Variants in FAM13A observed in about 807,000 individuals in gnomAD.
The protein encoded by FAM13A is family with sequence similarity 13 member A.
FAM13A carries 76 observed loss-of-function variants against 129.6 expected under a neutral mutation model. The ratio of observed to expected loss-of-function variants is 0.59; its 90% CI spans 0.49 to 0.71. The LOEUF (loss-of-function observed/expected upper bound fraction) is 0.71. Ranked by LOEUF, FAM13A falls within the 30% of genes least tolerant of loss-of-function variation. The pLI, the probability that FAM13A is intolerant of heterozygous loss-of-function variation, is 0.00. For synonymous variants in FAM13A, 443 were observed against 449.9 expected (o/e 0.98, Z 0.20); for missense variants, 1,108 against 1,249.3 (o/e 0.89, Z 1.70).
intron 4 of FAM13A, among the ~76,000 whole-genome samples, chr4:88,943,063 A>G (rs1440442356): frequency 6.6e-6 from 1 of 152,204 alleles, no homozygotes; most frequent in Non-Finnish European, 1.5e-5. Flanking sequence ...GGTTTTCTAC[A>G]ATGATATAAC....
At chr4:88,855,098 G>T (rs1253419463) in intron 6 of FAM13A, among the ~76,000 whole-genome samples, 1 of 152,104 alleles carries the variant, frequency 6.6e-6, no homozygotes. Context: ...ACCCAGACAG[G>T]CCTCAGTACC....
At chr4:88,876,363 A>C (rs983842263) in intron 6 of FAM13A, among the ~76,000 whole-genome samples, 1 of 152,168 alleles carries the variant, frequency 6.6e-6, no homozygotes, top group East Asian at 1.9e-4. Context: ...AGCAATGACC[A>C]AAATTTTAAC....
chr4:88,945,924 T>A (rs1755667263), intron 4 of FAM13A, among the ~76,000 whole-genome samples: 1 of 136,508 alleles, frequency 7.3e-6, no homozygotes, highest in Non-Finnish European at 1.6e-5. Context: ...ATATATATAG[T>A]ATATATTATA....
intron 5 of FAM13A, among the ~76,000 whole-genome samples, chr4:88,926,817 T>C (rs193052583): frequency 1.5e-4 from 23 of 152,330 alleles, no homozygotes; most frequent in Non-Finnish European, 2.9e-4. Flanking sequence ...TAGTTTCTAC[T>C]ACCAAAAGTT....
chr4:88,833,868 AGAGT>A (rs942892347), intron 7 of FAM13A, among the ~76,000 whole-genome samples: 2 of 152,066 alleles, frequency 1.3e-5, no homozygotes, highest in African/African-American at 2.4e-5. Flanking sequence ...CCTGGGTGAT[AGAGT>A]GAGACTCCGT....
chr4:88,764,225 T>C (rs1460850550), intron 13 of FAM13A, among the ~76,000 whole-genome samples: 1 of 152,120 alleles, frequency 6.6e-6, no homozygotes, highest in Non-Finnish European at 1.5e-5. Flanking sequence ...ATGTCTTGTT[T>C]GTTATCAAAG....
chr4:88,928,208 C>A lies in FAM13A; in HGVS notation c.759+9880G>T, dbSNP rs577220744. Among the ~76,000 whole-genome samples the A allele has an allele frequency of 4.3e-4, 66 of 152,144 alleles. No individual in the cohort carries two copies. The South Asian group carries it at 6.0e-3, about 14-fold the overall frequency. On this transcript the variant is annotated intron_variant, in intron 5 of 23. Coordinates refer to ENST00000264344, the MANE Select transcript of FAM13A (RefSeq NM_014883.4). ...TGTGGTCTGAGAAAATACTTGATAT[C>A]ATTTTGATTTTTAAAAATTTATAAA...
intron 6 of FAM13A, among the ~76,000 whole-genome samples, chr4:88,900,710 T>C (rs1018402606): frequency 1.3e-4 from 19 of 151,836 alleles, no homozygotes; most frequent in African/African-American, 4.1e-4. Flanking sequence ...AGTACACAGG[T>C]TAGTGATACT....
intron 7 of FAM13A, among the ~76,000 whole-genome samples, chr4:88,806,699 T>C (rs1485592743): frequency 2.0e-5 from 3 of 152,108 alleles, no homozygotes; most frequent in African/African-American, 7.2e-5. Context: ...GGGTAAGTGA[T>C]GGGCTGTAAT....
intron 7 of FAM13A, among the ~76,000 whole-genome samples, chr4:88,844,530 C>G (rs1463753504): frequency 6.6e-6 from 1 of 152,040 alleles, no homozygotes; most frequent in African/African-American, 2.4e-5. Flanking sequence ...ATTTGTAAAG[C>G]AAATATCAAG....
intron 23 of FAM13A, chr4:88,729,073 T>C (rs1286350457): frequency 6.5e-6 from 1 of 152,970 alleles, no homozygotes; most frequent in African/African-American, 2.5e-5. Context: ...TTTTTTTTTT[T>C]TTTTTTTCCA....
At chr4:89,029,890 A>T in intron 1 of FAM13A, 1 of 510,014 alleles carries the variant, frequency 2.0e-6, no homozygotes, top group South Asian at 2.5e-5. Context: ...TAAGAGAGGG[A>T]GCAATACACT....
At chr4:88,937,830 A>C in intron 5 of FAM13A, 2 of 534,390 alleles carry the variant, frequency 3.7e-6, no homozygotes, top group Non-Finnish European at 6.7e-6. Context: ...TGATCAGAGC[A>C]CTGGGCTCAT....
chr4:88,926,421 G>T lies in FAM13A; in HGVS notation c.759+11667C>A, dbSNP rs554162274. 1.8e-4 allele frequency among the ~76,000 whole-genome samples: 28 copies of T among 152,250 alleles called. 2 individuals carry two copies. Among genetic ancestry groups the T allele is most frequent in the African/African-American group, 6.7e-4 (28 of 41,530 alleles). Reference sequence around the variant, plus strand: ...ATTTGCCAAATATACACAGTATAATGATTTAAAGTAGTCAGCTTCTTTAAC... The same window carrying T: ...ATTTGCCAAATATACACAGTATAATTATTTAAAGTAGTCAGCTTCTTTAAC... On this transcript the variant is annotated intron_variant, in intron 5 of 23. Transcript: ENST00000264344.
chr4:89,001,929 A>T (rs369622132), intron 3 of FAM13A, among the ~76,000 whole-genome samples: 5 of 152,292 alleles, frequency 3.3e-5, no homozygotes, highest in African/African-American at 1.2e-4. Context: ...TACTGTCTAA[A>T]TTATCAAATG....
At chr4:88,785,968 C>T (rs1723881088) in intron 10 of FAM13A, among the ~76,000 whole-genome samples, 1 of 152,136 alleles carries the variant, frequency 6.6e-6, no homozygotes, top group African/African-American at 2.4e-5. Flanking sequence ...GCTAGGGTTT[C>T]ATGGGTATAG....
chr4:88,732,196 T>C lies in FAM13A; in HGVS notation c.2649A>G (p.Glu883=), dbSNP rs949060895. 4 of 1,603,262 alleles carry C rather than the reference T, an allele frequency of 2.5e-6. No individual in the cohort carries two copies. The highest frequency in any genetic ancestry group is 1.3e-5 in the African/African-American group (1 of 74,622). The change falls in exon 22 of 24, where the codon GAA becomes GAG. Residue 883 remains glutamate, a splice_region_variant and synonymous_variant. Transcript: ENST00000264344. ...TATCGTCTTCTGACCCCTCCTCTTCTTCCTGGAGATACACAGCAACCCCAA... is the reference window on the plus strand; with the variant it reads ...TATCGTCTTCTGACCCCTCCTCTTCCTCCTGGAGATACACAGCAACCCCAA... ...ETASFFKEIK[E]EEEGSEDDSN...
chr4:88,939,489 A>G (rs577923184), intron 4 of FAM13A, among the ~76,000 whole-genome samples: 1 of 152,316 alleles, frequency 6.6e-6, no homozygotes, highest in Admixed American at 6.5e-5. Context: ...CCTTAATCAC[A>G]TCTGCAAAGA....
intron 6 of FAM13A, among the ~76,000 whole-genome samples, chr4:88,870,782 C>A (rs758628138): frequency 6.6e-6 from 1 of 152,156 alleles, no homozygotes; most frequent in African/African-American, 2.4e-5. Context: ...TCTTCCAGCA[C>A]GGTGTTTGAG....
Sources: gnomAD v4.1 joint callset for allele counts (sites outside exome capture counted in the v4.1 genomes callset) on GRCh38, gnomAD v4.1.1 for gene constraint, MANE v1.5 for transcripts, NCBI Gene and HGNC (gene_info 2026-07-23, HGNC 2026-07-21) for gene names.